SOX6: variants seen among roughly 807,000 people sequenced by gnomAD.
The protein encoded by SOX6 is transcription factor SOX-6.
A neutral mutation model predicts 97.8 loss-of-function variants in SOX6; 11 were observed. The ratio of observed to expected loss-of-function variants is 0.11; its 90% confidence interval spans 0.07 to 0.19. The LOEUF (loss-of-function observed/expected upper bound fraction) is 0.19, where lower values mean the gene tolerates loss of function less well. SOX6 is among the 10% of genes least tolerant of loss of function. SOX6 has a pLI of 1.00. For synonymous variants in SOX6, 360 were observed against 371.4 expected (o/e 0.97, Z 0.35); for missense variants, 810 against 1,039.5 (o/e 0.78, Z 3.04).
chr11:15,987,842 C>T (rs1467747184), intron 14 of SOX6, among the ~76,000 whole-genome samples: 4 of 150,808 alleles, frequency 2.7e-5, no homozygotes, highest in Non-Finnish European at 5.9e-5. Context: ...ATTGTAATGA[C>T]ATTTAGTATC....
intron 3 of SOX6, among the ~76,000 whole-genome samples, chr11:16,671,590 A>C (rs1847847827): frequency 6.6e-6 from 1 of 152,244 alleles, no homozygotes; most frequent in Admixed American, 6.5e-5. Context: ...CAGGCAGAAA[A>C]AAATAAAGAA....
chr11:16,445,047 A>G (rs2133089827), intron 1 of SOX6, among the ~76,000 whole-genome samples: 1 of 152,328 alleles, frequency 6.6e-6, no homozygotes, highest in South Asian at 2.1e-4. Flanking sequence ...TGTCACCTTA[A>G]TAACTAGTGA....
intron 4 of SOX6, among the ~76,000 whole-genome samples, chr11:16,534,909 A>G (rs1861285312): frequency 6.6e-6 from 1 of 152,230 alleles, no homozygotes; most frequent in East Asian, 1.9e-4. Flanking sequence ...AGTTATAGCT[A>G]TGGTACTTAA....
intron 3 of SOX6, among the ~76,000 whole-genome samples, chr11:16,677,543 G>A (rs1294953732): frequency 6.6e-6 from 1 of 152,128 alleles, no homozygotes; most frequent in Non-Finnish European, 1.5e-5. Context: ...AAGTTAAAAC[G>A]ATTTTACATT....
At chr11:16,335,155 T>C (rs1264679750) in intron 2 of SOX6, among the ~76,000 whole-genome samples, 2 of 152,196 alleles carry the variant, frequency 1.3e-5, no homozygotes, top group Non-Finnish European at 2.9e-5. Flanking sequence ...TAGTACCGTA[T>C]GCAAATATAG....
At chr11:16,158,984 C>A (rs1183154040) in intron 6 of SOX6, among the ~76,000 whole-genome samples, 1 of 151,494 alleles carries the variant, frequency 6.6e-6, no homozygotes, top group African/African-American at 2.4e-5. Context: ...GATAGCAGAG[C>A]CAGACTTTGA....
chr11:16,304,267 T>C (rs1855352061), intron 3 of SOX6, among the ~76,000 whole-genome samples: 1 of 152,176 alleles, frequency 6.6e-6, no homozygotes, highest in Non-Finnish European at 1.5e-5. Flanking sequence ...TTCTGAATTT[T>C]GTGTCTCCCC....
chr11:16,211,463 A>AC (rs1419259156), intron 4 of SOX6, among the ~76,000 whole-genome samples: 6 of 151,708 alleles, frequency 4.0e-5, no homozygotes, highest in Non-Finnish European at 8.8e-5. Context: ...TTAAATTAAA[A>AC]AAAAAAACTA....
At chr11:16,009,760 T>C (rs1230189676) in intron 13 of SOX6, among the ~76,000 whole-genome samples, 2 of 152,044 alleles carry the variant, frequency 1.3e-5, no homozygotes, top group African/African-American at 4.8e-5. Flanking sequence ...AAGCACTATA[T>C]TCTGGTAGGC....
At chr11:16,016,809 C>G (rs184975274) in intron 12 of SOX6, among the ~76,000 whole-genome samples, 1 of 152,004 alleles carries the variant, frequency 6.6e-6, no homozygotes, top group African/African-American at 2.4e-5. Context: ...AATGCTTTCC[C>G]TATGTTAAAT....
intron 6 of SOX6, among the ~76,000 whole-genome samples, chr11:16,155,810 C>G (rs1343225984): frequency 6.6e-6 from 1 of 152,072 alleles, no homozygotes; most frequent in African/African-American, 2.4e-5. Flanking sequence ...CCCTTATTCA[C>G]TAATAAAAAC....
intron 12 of SOX6, among the ~76,000 whole-genome samples, chr11:16,034,745 A>G (rs1344734711): frequency 6.6e-6 from 1 of 152,214 alleles, no homozygotes; most frequent in African/African-American, 2.4e-5. Context: ...ACCGTCTCAC[A>G]TATACACCCA....
At chr11:16,608,420 C>A (rs1278166990) in intron 4 of SOX6, among the ~76,000 whole-genome samples, 1 of 150,554 alleles carries the variant, frequency 6.6e-6, no homozygotes, top group Non-Finnish European at 1.5e-5. Flanking sequence ...AGGGAGAAGA[C>A]AAGAAGGGTG....
chr11:16,096,145 A>C (rs769278423), intron 8 of SOX6, 27 bp from the exon 9 acceptor site: 40 of 1,609,258 alleles, frequency 2.5e-5, no homozygotes, highest in Non-Finnish European at 1.7e-6. Flanking sequence ...TCAGAAAAAA[A>C]AAAAAAGACA....
chr11:16,451,983 A>AAAATAAATAAATAAATAAATAAATAAAT (rs58495641), intron 1 of SOX6, among the ~76,000 whole-genome samples: 8 of 143,864 alleles, frequency 5.6e-5, no homozygotes, highest in African/African-American at 1.8e-4. Flanking sequence ...ACCCTATCTA[A>AAAATAAATAAATAAATAAATAAATAAAT]AAATAAATAA....
intron 1 of SOX6, among the ~76,000 whole-genome samples, chr11:16,414,224 C>G (rs1051141426): frequency 6.6e-6 from 1 of 152,062 alleles, no homozygotes; most frequent in South Asian, 2.1e-4. Context: ...TTTGTTTTCC[C>G]CCACCAAAAG....
chr11:16,040,238 A>G (rs1284248115), intron 12 of SOX6, among the ~76,000 whole-genome samples: 2 of 152,068 alleles, frequency 1.3e-5, no homozygotes, highest in Non-Finnish European at 2.9e-5. Context: ...GAACTTGTAC[A>G]CTTATATATA....
At chr11:16,393,538 C>A (rs1020895197) in intron 1 of SOX6, among the ~76,000 whole-genome samples, 4 of 152,124 alleles carry the variant, frequency 2.6e-5, no homozygotes, top group African/African-American at 9.6e-5. Flanking sequence ...TGGCTGTCTA[C>A]CCAAGAAGCT....
intron 4 of SOX6, among the ~76,000 whole-genome samples, chr11:16,488,755 G>T (rs976533558): frequency 1.3e-5 from 2 of 152,126 alleles, no homozygotes; most frequent in African/African-American, 2.4e-5. Context: ...AGAGGATCAC[G>T]TGGAGAGATC....
Sources: gnomAD v4.1 joint callset for allele counts (sites outside exome capture counted in the v4.1 genomes callset) on GRCh38, gnomAD v4.1.1 for gene constraint, MANE v1.5 for transcripts, NCBI Gene and HGNC (gene_info 2026-07-23, HGNC 2026-07-21) for gene names.